Variants in NRG1 observed in about 807,000 individuals in gnomAD.
NRG1 encodes neuregulin 1, also known as pro-neuregulin-1, membrane-bound isoform.
Under a neutral mutation model 63.8 loss-of-function variants are expected in NRG1, and 18 were observed. The ratio of observed to expected loss-of-function variants is 0.28; its 90% CI spans 0.19 to 0.42. NRG1 has a LOEUF of 0.42. Among genes scored for constraint, NRG1 ranks in the 10% least tolerant of loss-of-function variants. The pLI, the probability that NRG1 is intolerant of heterozygous loss-of-function variation, is 1.00. For synonymous variants in NRG1, 302 were observed against 301.3 expected (o/e 1.00, Z -0.02); for missense variants, 762 against 814.7 (o/e 0.94, Z 0.79).
At chr8:31,888,575 AT>A (rs1289592777) in intron 1 of NRG1, among the ~76,000 whole-genome samples, 21 of 151,738 alleles carry the variant, frequency 1.4e-4, no homozygotes, top group Non-Finnish European at 1.5e-4. Flanking sequence ...AGGTCAGTGC[AT>A]TTTTTTCCTT....
intron 1 of NRG1, among the ~76,000 whole-genome samples, chr8:32,260,301 C>T (rs1321124872): frequency 1.3e-5 from 2 of 152,130 alleles, no homozygotes; most frequent in Non-Finnish European, 1.5e-5. Context: ...AGATGACGTC[C>T]TAGATAATTT....
At chr8:32,271,247 T>C (rs1466538567) in intron 1 of NRG1, among the ~76,000 whole-genome samples, 2 of 152,204 alleles carry the variant, frequency 1.3e-5, no homozygotes, top group South Asian at 2.1e-4. Flanking sequence ...AAAGAAGATA[T>C]AAGTTTTACA....
intron 1 of NRG1, among the ~76,000 whole-genome samples, chr8:31,697,838 C>T (rs542654646): frequency 1.6e-4 from 25 of 151,990 alleles, no homozygotes; most frequent in African/African-American, 6.0e-4. Flanking sequence ...AAGACTTGTA[C>T]ATTTTTCTTT....
intron 6 of NRG1, among the ~76,000 whole-genome samples, chr8:32,736,946 C>T (rs770207985): frequency 6.6e-6 from 1 of 151,588 alleles, no homozygotes; most frequent in Non-Finnish European, 1.5e-5. Flanking sequence ...ATACACCAAG[C>T]ATTAAGTTTA....
chr8:32,428,790 C>A (rs1817749280), intron 1 of NRG1, among the ~76,000 whole-genome samples: 1 of 152,104 alleles, frequency 6.6e-6, no homozygotes, highest in Non-Finnish European at 1.5e-5. Flanking sequence ...TGTTCCAGAC[C>A]CCTGACCTCC....
intron 5 of NRG1, chr8:32,648,289 T>C: frequency 3.7e-6 from 6 of 1,613,806 alleles, no homozygotes; most frequent in Non-Finnish European, 5.1e-6. Context: ...GCGCCATCCT[T>C]CCCTTCACCC....
At chr8:32,097,153 A>G (rs1221528378) in intron 1 of NRG1, among the ~76,000 whole-genome samples, 3 of 152,144 alleles carry the variant, frequency 2.0e-5, no homozygotes, top group South Asian at 2.1e-4. Context: ...AATTCCATCT[A>G]TGTTGCTGCA....
rs1054320782 is a variant in NRG1 at position 31,852,574 on chromosome 8, A to C, written c.37+213143A>C. Among the ~76,000 whole-genome samples the C allele has an allele frequency of 2.9e-4, 44 of 151,180 alleles. 1 individual carries two copies. Among genetic ancestry groups the C allele is most frequent in the Non-Finnish European group, 2.1e-4 (14 of 67,548 alleles). On this transcript the variant is annotated intron_variant, in intron 1 of 10. Transcript: ENST00000519301. The stretch of plus-strand genomic sequence containing the variant: ...TTTTGTAGGTTGCCTGTTCACTCTG[A>C]TGGTAGTTTCTTTTGCTGTGCAGAA...
chr8:32,175,360 C>T (rs550867607), intron 1 of NRG1, among the ~76,000 whole-genome samples: 1 of 152,152 alleles, frequency 6.6e-6, no homozygotes, highest in African/African-American at 2.4e-5. Flanking sequence ...CTATGACAAA[C>T]CCATAGCCAA....
intron 1 of NRG1, among the ~76,000 whole-genome samples, chr8:32,590,141 G>A (rs1420545752): frequency 6.6e-6 from 1 of 152,192 alleles, no homozygotes; most frequent in Non-Finnish European, 1.5e-5. Flanking sequence ...TTCAAAAGAA[G>A]CTCCTGTGAA....
chr8:31,733,196 AT>A (rs139957013), intron 1 of NRG1, among the ~76,000 whole-genome samples: 24 of 143,812 alleles, frequency 1.7e-4, no homozygotes, highest in Admixed American at 2.8e-4. Context: ...TACCTATTAC[AT>A]TTTTTTTTCC....
At chr8:32,189,546 A>G (rs1169028541) in intron 1 of NRG1, among the ~76,000 whole-genome samples, 1 of 152,234 alleles carries the variant, frequency 6.6e-6, no homozygotes, top group Admixed American at 6.5e-5. Context: ...TATCTGTAGA[A>G]TGGACATAAT....
intron 1 of NRG1, among the ~76,000 whole-genome samples, chr8:32,153,461 C>T (rs1465607557): frequency 1.3e-5 from 2 of 152,154 alleles, no homozygotes; most frequent in Non-Finnish European, 1.5e-5. Context: ...CCACCCTAGT[C>T]TATTAGCTGA....
intron 1 of NRG1, among the ~76,000 whole-genome samples, chr8:32,576,938 C>T (rs117562438): frequency 0.022 from 3,377 of 152,144 alleles, 53 homozygotes; most frequent in Middle Eastern, 0.078. Context: ...GAGCATAGTA[C>T]CCAATAGTTG....
chr8:32,254,662 G>T (rs1368528518), intron 1 of NRG1, among the ~76,000 whole-genome samples: 1 of 152,172 alleles, frequency 6.6e-6, no homozygotes, highest in East Asian at 1.9e-4. Flanking sequence ...TTGATTTGGG[G>T]TGTAGAGTTC....
chr8:31,990,006 T>C (rs1302487336), intron 1 of NRG1, among the ~76,000 whole-genome samples: 1 of 152,114 alleles, frequency 6.6e-6, no homozygotes, highest in Non-Finnish European at 1.5e-5. Context: ...TAGGCTTTGA[T>C]TTGTTTTTCA....
chr8:32,303,641 A>G (rs1469507897), intron 1 of NRG1, among the ~76,000 whole-genome samples: 3 of 152,262 alleles, frequency 2.0e-5, no homozygotes, highest in Non-Finnish European at 4.4e-5. Flanking sequence ...AAATCACTCC[A>G]GTTAATTCTT....
intron 1 of NRG1, among the ~76,000 whole-genome samples, chr8:32,188,831 G>T (rs1842212810): frequency 6.6e-6 from 1 of 151,762 alleles, no homozygotes; most frequent in Non-Finnish European, 1.5e-5. Context: ...GGAGGAGGAG[G>T]GATAGCATTA....
chr8:32,144,291 G>A (rs574641206), intron 1 of NRG1, among the ~76,000 whole-genome samples: 4 of 152,192 alleles, frequency 2.6e-5, no homozygotes, highest in South Asian at 2.1e-4. Context: ...GAGCCCAGAC[G>A]ATCATTTTTA....
Sources: allele counts gnomAD v4.1 joint callset (sites outside exome capture counted in the v4.1 genomes callset), GRCh38; gene constraint gnomAD v4.1.1; transcripts MANE v1.5; gene names NCBI Gene and HGNC (gene_info 2026-07-23, HGNC 2026-07-21).